The following FBXL7 variants were observed in gnomAD, a reference collection of about 807,000 sequenced individuals.
FBXL7 encodes F-box/LRR-repeat protein 7.
In FBXL7, 12 loss-of-function variants were observed where a neutral mutation model predicts 38.3. That is an observed-to-expected ratio of 0.31 (90% CI 0.20 to 0.51). The LOEUF (loss-of-function observed/expected upper bound fraction) is 0.51. Ranked by LOEUF, FBXL7 falls within the 20% of genes least tolerant of loss-of-function variation. The pLI, the probability that FBXL7 is intolerant of heterozygous loss-of-function variation, is 0.98. For missense variants in FBXL7, 567 were observed against 676.4 expected, an observed-to-expected ratio of 0.84 and a Z score of 1.79; for synonymous variants, 297 against 300.9, an observed-to-expected ratio of 0.99 and a Z score of 0.13.
intron 2 of FBXL7, among the ~76,000 whole-genome samples, chr5:15,790,946 C>T (rs1202498515): frequency 2.6e-5 from 4 of 151,918 alleles, no homozygotes; most frequent in Admixed American, 6.6e-5. Context: ...TCCTTTTGGT[C>T]ATGGGAAGTC....
chr5:15,819,657 T>C (rs1738117639), intron 2 of FBXL7, among the ~76,000 whole-genome samples: 1 of 152,120 alleles, frequency 6.6e-6, no homozygotes, highest in Admixed American at 6.6e-5. Flanking sequence ...TTTAAAACCA[T>C]CACAATGAAA....
chr5:15,821,263 T>C (rs917325293), intron 2 of FBXL7, among the ~76,000 whole-genome samples: 1 of 152,220 alleles, frequency 6.6e-6, no homozygotes, highest in Non-Finnish European at 1.5e-5. Flanking sequence ...TTTAGAAATA[T>C]CTTTTTATAA....
At chr5:15,633,303 A>G in intron 2 of FBXL7, among the ~76,000 whole-genome samples, 1 of 152,098 alleles carries the variant, frequency 6.6e-6, no homozygotes, top group East Asian at 1.9e-4. Flanking sequence ...TTGTTCTTAG[A>G]ATTTTGTTGA....
At chr5:15,649,185 C>T (rs57447423) in intron 2 of FBXL7, among the ~76,000 whole-genome samples, 9,578 of 151,932 alleles carry the variant, frequency 0.063, 799 homozygotes, top group East Asian at 0.35. Context: ...TTAGGAGAGG[C>T]GGGGTTTCAC....
At chr5:15,692,781 A>G (rs1743222153) in intron 2 of FBXL7, among the ~76,000 whole-genome samples, 1 of 152,158 alleles carries the variant, frequency 6.6e-6, no homozygotes, top group South Asian at 2.1e-4. Context: ...GGTGGTGCCT[A>G]CATGAAGTCT....
chr5:15,572,721 G>A (rs1738831878), intron 1 of FBXL7, among the ~76,000 whole-genome samples: 1 of 152,142 alleles, frequency 6.6e-6, no homozygotes, highest in South Asian at 2.1e-4. Context: ...GACTCAGAAA[G>A]CAGGTTGCTT....
chr5:15,554,662 G>T (rs1488670580), intron 1 of FBXL7, among the ~76,000 whole-genome samples: 1 of 152,192 alleles, frequency 6.6e-6, no homozygotes, highest in Non-Finnish European at 1.5e-5. Flanking sequence ...CTGAGAACAG[G>T]TGGGTCAGAA....
chr5:15,747,517 C>T (rs1485406592), intron 2 of FBXL7, among the ~76,000 whole-genome samples: 1 of 152,274 alleles, frequency 6.6e-6, no homozygotes, highest in East Asian at 1.9e-4. Context: ...ACCACACCAA[C>T]CATTTCTGTG....
chr5:15,922,763 A>T (rs913844615), intron 2 of FBXL7, among the ~76,000 whole-genome samples: 1 of 152,216 alleles, frequency 6.6e-6, no homozygotes, highest in Non-Finnish European at 1.5e-5. Flanking sequence ...GTGAAGGAAG[A>T]TGTAGTCTAA....
In FBXL7 at chr5:15,873,453, C is replaced by CA. The variant is rs879045754; in HGVS notation, c.128-54430dup. On this transcript the variant is annotated intron_variant, in intron 2 of 3. Coordinates refer to ENST00000504595, the MANE Select transcript of FBXL7 (RefSeq NM_012304.5). ...GAGATAGAGACACAAAAAAACCCTTCAAAAAAATCAATGAATCCAGGAGGT... is the reference window on the plus strand; with the variant it reads ...GAGATAGAGACACAAAAAAACCCTTCAAAAAAAATCAATGAATCCAGGAGGT... Among the ~76,000 whole-genome samples, 19 of 151,950 alleles carry CA rather than the reference C, an allele frequency of 1.3e-4. 1 individual carries two copies. Among genetic ancestry groups the CA allele is most frequent in the African/African-American group, 2.2e-4 (9 of 41,458 alleles).
chr5:15,535,189 C>T (rs1737545278), intron 1 of FBXL7, among the ~76,000 whole-genome samples: 1 of 152,218 alleles, frequency 6.6e-6, no homozygotes, highest in South Asian at 2.1e-4. Context: ...TGTTTATAAA[C>T]TATCCAGTCT....
Position 15,936,652 on chromosome 5 carries a change from A to C in FBXL7, c.942A>C (p.Glu314Asp), listed in dbSNP as rs754977106. ...YLRRCVRLTD[E>D]GLRYLVIYCA... ...GCCGCTGCGTCCGCCTGACCGACGA[A>C]GGCCTGCGCTACCTGGTGATCTACT... Residue 314 changes from glutamate (E) to aspartate (D), a missense_variant, in exon 4 of 4, where the codon GAA (glutamate) becomes GAC (aspartate). Glu to Asp is a conservative substitution (Grantham distance 45, BLOSUM62 2). Coordinates refer to ENST00000504595, the MANE Select transcript of FBXL7 (RefSeq NM_012304.5). The surrounding 1 kb of genome is among the most constrained non-coding windows in gnomAD (Gnocchi z 6.0). 1.2e-6 allele frequency: 2 copies of C among 1,608,616 alleles called. No individual in the cohort carries two copies.
intron 1 of FBXL7, among the ~76,000 whole-genome samples, chr5:15,608,686 A>C (rs1214890446): frequency 6.6e-6 from 1 of 152,234 alleles, no homozygotes; most frequent in Non-Finnish European, 1.5e-5. Context: ...TTTACTAAGA[A>C]AAAGAAATTC....
chr5:15,529,826 A>G (rs1737368365), intron 1 of FBXL7, among the ~76,000 whole-genome samples: 1 of 152,220 alleles, frequency 6.6e-6, no homozygotes, highest in Admixed American at 6.5e-5. Flanking sequence ...TCCCTTCCAC[A>G]GATGGTGTTG....
intron 2 of FBXL7, among the ~76,000 whole-genome samples, chr5:15,769,181 T>C (rs531908869): frequency 1.1e-4 from 16 of 152,038 alleles, no homozygotes; most frequent in Non-Finnish European, 2.2e-4. Flanking sequence ...TCTGGGGGAG[T>C]GCGAGAAGAC....
At chr5:15,615,024 C>T (rs1336283917) in intron 1 of FBXL7, among the ~76,000 whole-genome samples, 2 of 152,156 alleles carry the variant, frequency 1.3e-5, no homozygotes, top group African/African-American at 2.4e-5. Flanking sequence ...TCAGCCCACT[C>T]TCAAGGGGGA....
chr5:15,571,113 AAAAAG>A (rs1192506648), intron 1 of FBXL7, among the ~76,000 whole-genome samples: 1 of 151,750 alleles, frequency 6.6e-6, no homozygotes, highest in Admixed American at 6.6e-5. Context: ...AAAAAAAAGA[AAAAAG>A]AAACTTTAAA....
At position 15,693,192 on chromosome 5, in the gene FBXL7, A is replaced by G. The variant is rs564625009; in HGVS notation, c.127+77120A>G. On this transcript the variant is annotated intron_variant, in intron 2 of 3. Transcript: ENST00000504595. The stretch of plus-strand genomic sequence containing the variant: ...TTACTTTGGCAAGTGACTTGGGCCA[A>G]AAAGCATCTCCTTATCTCCTGTGAG... Among the ~76,000 whole-genome samples, 11 of 152,216 alleles carry G rather than the reference A, an allele frequency of 7.2e-5. No homozygotes were observed. The South Asian group carries it at 2.1e-3, about 29-fold the overall frequency.
At chr5:15,564,451 G>A (rs752581484) in intron 1 of FBXL7, among the ~76,000 whole-genome samples, 2 of 149,606 alleles carry the variant, frequency 1.3e-5, no homozygotes, top group Non-Finnish European at 3.0e-5. Flanking sequence ...CCCCATTCTA[G>A]ATTTTCTCAA....
Sources: gnomAD v4.1 joint callset for allele counts (sites outside exome capture counted in the v4.1 genomes callset) on GRCh38, gnomAD v4.1.1 for gene constraint, Gnocchi (gnomAD v3.1) non-coding constraint, MANE v1.5 for transcripts, NCBI Gene and HGNC (gene_info 2026-07-23, HGNC 2026-07-21) for gene names.